Variants in FGD4 observed in about 807,000 individuals in gnomAD.
The protein encoded by FGD4 is FYVE, RhoGEF and PH domain containing 4.
A neutral mutation model predicts 102.0 loss-of-function variants in FGD4; 42 were observed. That is an observed-to-expected ratio of 0.41 (90% CI 0.32 to 0.53). FGD4 has a LOEUF of 0.53. Among genes scored for constraint, FGD4 ranks in the 20% least tolerant of loss-of-function variants. The pLI, the probability that FGD4 is intolerant of heterozygous loss-of-function variation, is 0.21. For missense variants in FGD4, 902 were observed against 1,078.2 expected, an observed-to-expected ratio of 0.84 and a Z score of 2.29; for synonymous variants, 380 against 375.7, an observed-to-expected ratio of 1.01 and a Z score of -0.13.
At chr12:32,484,059 G>A (rs1943828454) in intron 1 of FGD4, among the ~76,000 whole-genome samples, 1 of 152,108 alleles carries the variant, frequency 6.6e-6, no homozygotes, top group Non-Finnish European at 1.5e-5. Context: ...TTATTTGGAT[G>A]TATAATACCT....
intron 2 of FGD4, among the ~76,000 whole-genome samples, chr12:32,574,012 G>C (rs10844248): frequency 0.14 from 21,013 of 151,966 alleles, 1,639 homozygotes; most frequent in Middle Eastern, 0.22. Context: ...TTATTTAATC[G>C]TACTCATTAC....
intron 1 of FGD4, among the ~76,000 whole-genome samples, chr12:32,458,911 A>G (rs1007749519): frequency 1.3e-5 from 2 of 152,216 alleles, no homozygotes; most frequent in Admixed American, 1.3e-4. Context: ...ACAGGCTCAT[A>G]GAGTTTAAAG....
intron 1 of FGD4, among the ~76,000 whole-genome samples, chr12:32,497,793 C>T (rs748804009): frequency 3.3e-5 from 5 of 152,154 alleles, no homozygotes; most frequent in South Asian, 4.1e-4. Flanking sequence ...ACCTCCTGCT[C>T]GAGCCTTTCA....
At chr12:32,412,431 G>T (rs1049607019) in intron 1 of FGD4, among the ~76,000 whole-genome samples, 1 of 152,104 alleles carries the variant, frequency 6.6e-6, no homozygotes, top group African/African-American at 2.4e-5. Flanking sequence ...CATTATCTCA[G>T]GAGGCTGTGT....
chr12:32,483,003 C>T (rs1046548172), intron 1 of FGD4, among the ~76,000 whole-genome samples: 7 of 152,162 alleles, frequency 4.6e-5, no homozygotes, highest in Non-Finnish European at 8.8e-5. Flanking sequence ...GTTAAGTATA[C>T]AGCTATAATT....
At chr12:32,628,710 G>A (rs1305523489) in intron 14 of FGD4, among the ~76,000 whole-genome samples, 2 of 152,032 alleles carry the variant, frequency 1.3e-5, no homozygotes, top group African/African-American at 2.4e-5. Context: ...CACTTGAACC[G>A]GGGAGGCGGA....
intron 1 of FGD4, among the ~76,000 whole-genome samples, chr12:32,505,904 CAG>C (rs1938681723): frequency 6.6e-6 from 1 of 152,130 alleles, no homozygotes; most frequent in African/African-American, 2.4e-5. Flanking sequence ...ATAAGGCAAA[CAG>C]ACTGAATCTC....
At chr12:32,529,906 G>A (rs910009444) in intron 1 of FGD4, among the ~76,000 whole-genome samples, 5 of 151,740 alleles carry the variant, frequency 3.3e-5, no homozygotes, top group Admixed American at 2.6e-4. Context: ...GGTTAATTGG[G>A]AAGTCTTCAA....
intron 1 of FGD4, among the ~76,000 whole-genome samples, chr12:32,493,518 C>G (rs1944181835): frequency 6.6e-6 from 1 of 152,200 alleles, no homozygotes; most frequent in Admixed American, 6.5e-5. Flanking sequence ...CAGACACTTG[C>G]CACCCACCTC....
At chr12:32,434,276 A>G (rs776842606) in intron 1 of FGD4, among the ~76,000 whole-genome samples, 1 of 152,214 alleles carries the variant, frequency 6.6e-6, no homozygotes, top group Non-Finnish European at 1.5e-5. Flanking sequence ...GTCGCTGCTT[A>G]TAAAATGGAG....
At chr12:32,577,638 TGGTC>T (rs1410389642) in intron 3 of FGD4, among the ~76,000 whole-genome samples, 2 of 152,256 alleles carry the variant, frequency 1.3e-5, no homozygotes, top group African/African-American at 4.8e-5. Flanking sequence ...GTAGGAACTT[TGGTC>T]ATAAATATTT....
At chr12:32,631,775 A>T (rs1434210035) in intron 14 of FGD4, among the ~76,000 whole-genome samples, 1 of 152,152 alleles carries the variant, frequency 6.6e-6, no homozygotes, top group African/African-American at 2.4e-5. Context: ...AAGTGCTGTG[A>T]TTGCAAGCAT....
chr12:32,473,302 C>G (rs1176708347), intron 1 of FGD4, among the ~76,000 whole-genome samples: 3 of 151,934 alleles, frequency 2.0e-5, no homozygotes, highest in East Asian at 3.9e-4. Flanking sequence ...TTTGCAATAA[C>G]TCTTGCTACT....
Position 32,619,575 on chromosome 12 carries a change from T to C in FGD4, c.1750-123T>C, listed in dbSNP as rs12319480. 0.33 allele frequency: 365,657 copies of C among 1,101,352 alleles called. 62,436 individuals are homozygous for C. Among genetic ancestry groups the C allele is most frequent in the South Asian group, 0.42 (30,962 of 73,582 alleles). 68.2% of individuals were successfully genotyped at this position (1,101,352 alleles called of 1,614,324 possible). On this transcript the variant is annotated intron_variant, in intron 10 of 16. Transcript: ENST00000534526. The stretch of plus-strand genomic sequence containing the variant: ...TGAACCCGGGAGGCAGAGCTTACAA[T>C]GAGCCAAGGTCACACTATTACACTC...
intron 1 of FGD4, among the ~76,000 whole-genome samples, chr12:32,550,758 A>G (rs576651728): frequency 6.6e-6 from 1 of 152,222 alleles, no homozygotes; most frequent in Non-Finnish European, 1.5e-5. Flanking sequence ...ATCAAAAACT[A>G]GCAATTGTGA....
intron 1 of FGD4, among the ~76,000 whole-genome samples, chr12:32,523,713 G>A (rs1940788465): frequency 6.6e-6 from 1 of 152,194 alleles, no homozygotes; most frequent in African/African-American, 2.4e-5. Flanking sequence ...GGTGGCTCAC[G>A]CCTGCAATCC....
intron 1 of FGD4, among the ~76,000 whole-genome samples, chr12:32,458,403 G>A (rs1229982811): frequency 1.3e-5 from 2 of 151,826 alleles, no homozygotes; most frequent in East Asian, 3.9e-4. Context: ...TCTTGAACTG[G>A]GCTGAAGTGA....
At chr12:32,574,335 T>G (rs1420714072) in intron 2 of FGD4, among the ~76,000 whole-genome samples, 1 of 151,222 alleles carries the variant, frequency 6.6e-6, no homozygotes, top group Non-Finnish European at 1.5e-5. Context: ...TTAAGTGTTT[T>G]TTTTTTTTTT....
chr12:32,552,100 G>A (rs1310624424), intron 1 of FGD4, among the ~76,000 whole-genome samples: 1 of 152,230 alleles, frequency 6.6e-6, no homozygotes, highest in East Asian at 1.9e-4. Context: ...TCCAGCTCAA[G>A]ATGGTGTCAA....
Sources: gnomAD v4.1 joint callset for allele counts (sites outside exome capture counted in the v4.1 genomes callset) on GRCh38, gnomAD v4.1.1 for gene constraint, MANE v1.5 for transcripts, NCBI Gene and HGNC (gene_info 2026-07-23, HGNC 2026-07-21) for gene names.